The following SSC4D variants were observed in gnomAD, a reference collection of about 807,000 sequenced individuals.
SSC4D encodes scavenger receptor cysteine-rich domain-containing group B protein.
Under a neutral mutation model 63.4 loss-of-function variants are expected in SSC4D, and 57 were observed. That is an observed-to-expected ratio of 0.90 (90% CI 0.73 to 1.12). SSC4D has a LOEUF of 1.12. Among genes scored for constraint, SSC4D ranks in the 50% most tolerant of loss-of-function variants. The pLI is 0.00. For missense variants in SSC4D, 791 were observed against 806.4 expected, an observed-to-expected ratio of 0.98 and a Z score of 0.23; for synonymous variants, 352 against 345.4, an observed-to-expected ratio of 1.02 and a Z score of -0.21.
In SSC4D at chr7:76,393,413, AG is replaced by A. The variant is rs1804546298; in HGVS notation, c.1324del (p.Leu442SerfsTer45). 1 of 1,474,020 alleles carries A rather than the reference AG, an allele frequency of 6.8e-7. No individual in the cohort carries two copies. The highest frequency in any genetic ancestry group is 1.5e-5 in the African/African-American group (1 of 68,846). The allele number at this position is 1,474,020 out of a possible 1,614,324, so 91.3% of individuals were successfully genotyped here. On this transcript the variant is annotated frameshift_variant, in exon 9 of 11. Transcript: ENST00000275560. LOFTEE classifies it high-confidence loss of function. ...NCGHHEDAGA[L>X]CAGPEELGLQ... is the part of the protein sequence containing the mutation. ...TTCGCTGTCAGCCTCACCTGCGCAGAGCGCTCCCGCGTCCTCGTGGTGGCCG... is the reference window on the plus strand; with the variant it reads ...TTCGCTGTCAGCCTCACCTGCGCAGACGCTCCCGCGTCCTCGTGGTGGCCG...
intron 4 of SSC4D, among the ~76,000 whole-genome samples, chr7:76,399,898 G>A (rs1398915904): frequency 1.3e-5 from 2 of 152,118 alleles, no homozygotes; most frequent in African/African-American, 4.8e-5. Flanking sequence ...TACTGAGGCG[G>A]GAGAATCCCT....
At chr7:76,401,672 C>T (rs987211244) in intron 2 of SSC4D, among the ~76,000 whole-genome samples, 18 of 152,190 alleles carry the variant, frequency 1.2e-4, no homozygotes, top group African/African-American at 4.3e-4. Context: ...CCACTTTGGC[C>T]TGCTAAAGTG....
chr7:76,400,488 G>A lies in SSC4D; in HGVS notation c.273C>T (p.Asp91=), dbSNP rs542129562. Residue 91 remains aspartate, a synonymous_variant, in exon 4 of 11, where the codon GAC becomes GAT. Coordinates refer to ENST00000275560, the MANE Select transcript of SSC4D (RefSeq NM_080744.2). ...CCAGCTGGCGACACACTACGTTGGC[G>A]TCCACCACGTCCCAGTCGTCATCAC... The part of the protein sequence containing the change: ...SVCDDDWDVV[D]ANVVCRQLGC... 72 of 1,604,070 alleles carry A rather than the reference G, an allele frequency of 4.5e-5. No individual in the cohort carries two copies. The highest frequency in any genetic ancestry group is 3.3e-4 in the Middle Eastern group (2 of 6,042).
chr7:76,404,294 G>C lies in SSC4D; in HGVS notation c.133+13C>G. 4 of 1,582,812 alleles carry C rather than the reference G, an allele frequency of 2.5e-6. No individual in the cohort carries two copies. Among genetic ancestry groups the C allele is most frequent in the Middle Eastern group, 2.0e-4 (1 of 5,006 alleles). On this transcript the variant is annotated intron_variant, in intron 2 of 10. Transcript: ENST00000275560. ...AAAGAGGAAGTGGCAAGGGCTAACAGGGGAGGACTCACCCAGTGGCAGGAG... is the reference window on the plus strand; with the variant it reads ...AAAGAGGAAGTGGCAAGGGCTAACACGGGAGGACTCACCCAGTGGCAGGAG...
intron 6 of SSC4D, among the ~76,000 whole-genome samples, chr7:76,396,498 G>A (rs892181703): frequency 6.6e-6 from 1 of 152,220 alleles, no homozygotes; most frequent in Non-Finnish European, 1.5e-5. Context: ...GCTCAGCAAG[G>A]AGCAGGACCT....
rs141199799 is a variant in SSC4D at position 76,390,329 on chromosome 7, T to C, written c.1458A>G (p.Val486=). The C allele has an allele frequency of 7.5e-6, 12 of 1,609,928 alleles. No homozygotes were observed. Among genetic ancestry groups the C allele is most frequent in the African/African-American group, 5.3e-5 (4 of 74,886 alleles). ...CCCACCGTTGCCCTAGGTAGAGCTC[T>C]ACACGTCCCTCGCATCGGTGGGCTC... ...VNGAHRCEGR[V]ELYLGQRWGT... The change falls in exon 11 of 11, where the codon GTA becomes GTG. Residue 486 remains valine (V), a synonymous_variant. Coordinates refer to ENST00000275560, the MANE Select transcript of SSC4D (RefSeq NM_080744.2).
intron 2 of SSC4D, among the ~76,000 whole-genome samples, chr7:76,402,282 T>A (rs568582593): frequency 6.6e-6 from 1 of 151,314 alleles, no homozygotes; most frequent in Admixed American, 6.6e-5. Flanking sequence ...TGGGTTCAAG[T>A]GATTCTCCCA....
At chr7:76,404,281 G>T in intron 2 of SSC4D, 26 bp downstream of exon 2, 1 of 1,531,822 alleles carries the variant, frequency 6.5e-7, no homozygotes, top group South Asian at 1.3e-5. Flanking sequence ...AGAGGAAGTG[G>T]CAAGGGCTAA....
chr7:76,401,163 T>C, intron 2 of SSC4D, 120 bp from the exon 3 acceptor site: 1 of 1,318,728 alleles, frequency 7.6e-7, no homozygotes, highest in South Asian at 1.6e-5. Context: ...TGGACTTCAG[T>C]ACCCCTGCTT....
In SSC4D at chr7:76,397,681, G is replaced by A. The variant is rs1178482320; in HGVS notation, c.705C>T (p.Ala235=). The A allele has an allele frequency of 5.6e-6, 9 of 1,613,188 alleles. No individual in the cohort carries two copies. Among genetic ancestry groups the A allele is most frequent in the Non-Finnish European group, 6.8e-6 (8 of 1,179,818 alleles). ...AGAAGGCGTTGGTGGTGGCGGCCAT[G>A]GCCGCCCCGCAGCCCAGCTGACGAC... The part of the protein sequence containing the change: ...VVCRQLGCGA[A]MAATTNAFFG... The change falls in exon 6 of 11, where the codon GCC becomes GCT. Residue 235 remains alanine (A), a synonymous_variant. Coordinates refer to ENST00000275560, the MANE Select transcript of SSC4D (RefSeq NM_080744.2).
intron 5 of SSC4D, among the ~76,000 whole-genome samples, chr7:76,398,279 A>G (rs1379007891): frequency 6.6e-6 from 1 of 150,382 alleles, no homozygotes; most frequent in Non-Finnish European, 1.5e-5. Context: ...TGTGAGATTA[A>G]GCTCCAGTCT....
chr7:76,394,525 C>T (rs1804584921), intron 7 of SSC4D, among the ~76,000 whole-genome samples: 1 of 151,722 alleles, frequency 6.6e-6, no homozygotes, highest in African/African-American at 2.4e-5. Context: ...ATTCTCCTGC[C>T]TCAGCCTTCC....
chr7:76,400,883 C>T (rs1804801985), intron 3 of SSC4D, 125 bp downstream of exon 3: 1 of 1,333,700 alleles, frequency 7.5e-7, no homozygotes, highest in Non-Finnish European at 1.0e-6. Context: ...ACTACAGCTC[C>T]CCTGAGATGG....
In SSC4D at chr7:76,397,594, GCGGGGCTCGCC is replaced by G; in HGVS notation, c.781_791del (p.Gly261ProfsTer108). 1 of 1,608,114 alleles carries G rather than the reference GCGGGGCTCGCC, an allele frequency of 6.2e-7. No homozygotes were observed. Among genetic ancestry groups the G allele is most frequent in the Non-Finnish European group, 8.5e-7 (1 of 1,178,024 alleles). Reference sequence around the variant, plus strand: ...AGCCCAGGCTCTGGCAGGCTGCCAGGCGGGGCTCGCCGCCTTCGCAGTGCACGTTGTCCAGC... The same window carrying G: ...AGCCCAGGCTCTGGCAGGCTGCCAGGGCCTTCGCAGTGCACGTTGTCCAGC... On this transcript the variant is annotated frameshift_variant, in exon 6 of 11. Coordinates refer to ENST00000275560, the MANE Select transcript of SSC4D (RefSeq NM_080744.2). LOFTEE classifies it high-confidence loss of function.
Position 76,395,866 on chromosome 7 carries a change from A to AT in SSC4D, c.869-537dup, listed in dbSNP as rs751495110. On this transcript the variant is annotated intron_variant, in intron 6 of 10. Transcript: ENST00000275560. ...GCCAGCACGCCTGGCTAATTTTTGTATTTTTTTTAGTAGAGATGGGGTTTC... is the reference window on the plus strand; with the variant it reads ...GCCAGCACGCCTGGCTAATTTTTGTATTTTTTTTTAGTAGAGATGGGGTTTC... 3.3e-5 allele frequency among the ~76,000 whole-genome samples: 5 copies of AT among 151,840 alleles called. No homozygotes were observed. The East Asian group carries it at 5.8e-4, about 18-fold the overall frequency.
intron 8 of SSC4D, 34 bp downstream of exon 8, chr7:76,393,796 C>T (rs754453769): frequency 6.8e-7 from 1 of 1,475,038 alleles, no homozygotes; most frequent in East Asian, 2.6e-5. Flanking sequence ...CCTACCCTTC[C>T]CCATCCCCCG....
rs1285635942 is a variant in SSC4D at position 76,389,421 on chromosome 7, T to G, written c.*638A>C. 6.5e-6 allele frequency: 1 copy of G among 152,780 alleles called. No individual in the cohort carries two copies. The highest frequency in any genetic ancestry group is 2.4e-5 in the African/African-American group (1 of 41,444). 9.5% of individuals were successfully genotyped at this position (152,780 alleles called of 1,614,324 possible). On this transcript the variant is annotated 3_prime_UTR_variant, in exon 11 of 11. Transcript: ENST00000275560. ...CCCAGGGTTCTTCACTCCTGCAAAG[T>G]GGAGGCTCTGTGGTGGAGACGGCAT...
chr7:76,393,329 G>T, intron 9 of SSC4D, 76 bp downstream of exon 9: 1 of 1,272,582 alleles, frequency 7.9e-7, no homozygotes, highest in Non-Finnish European at 9.9e-7. Context: ...GAGGCCTCGC[G>T]CGTGGCGCCG....
intron 10 of SSC4D, among the ~76,000 whole-genome samples, chr7:76,391,528 G>A (rs1804492769): frequency 6.6e-6 from 1 of 152,122 alleles, no homozygotes; most frequent in Non-Finnish European, 1.5e-5. Context: ...GATCCGCGAC[G>A]TGTACTGGGT....
Sources: allele counts gnomAD v4.1 joint callset (sites outside exome capture counted in the v4.1 genomes callset), GRCh38; gene constraint gnomAD v4.1.1; transcripts MANE v1.5; gene names NCBI Gene and HGNC (gene_info 2026-07-23, HGNC 2026-07-21).